Variants in PTPRK observed in about 807,000 individuals in gnomAD.
PTPRK encodes the protein receptor-type tyrosine-protein phosphatase kappa.
PTPRK carries 75 observed loss-of-function variants against 178.0 expected under a neutral mutation model. The observed-to-expected ratio is 0.42, with a 90% confidence interval of 0.35 to 0.51. The LOEUF is 0.51. PTPRK is among the 20% of genes least tolerant of loss of function. PTPRK has a pLI of 0.02. For missense variants in PTPRK, 1,441 were observed against 1,797.8 expected (o/e 0.80, Z 3.59); for synonymous variants, 637 against 620.6 (o/e 1.03, Z -0.39).
chr6:127,998,844 C>T lies in PTPRK; in HGVS notation c.2555G>A (p.Cys852Tyr). ...CTGGTAAGGGGATTCCGTCCCCTCA[C>T]AGAGGTAGCGAGGTACGTCTAGAAG... Reference protein sequence around the residue: ...SRLLDVPRYLCEGTESPYQTG... With the variant: ...SRLLDVPRYLYEGTESPYQTG... Residue 852 changes from cysteine to tyrosine, a missense_variant, in exon 16 of 30, where the codon TGT (cysteine) becomes TAT (tyrosine). Physicochemically the swap from Cys to Tyr is radical, Grantham distance 194. Around this residue, in one of 4 missense-constraint regions of PTPRK, gnomAD observed 945 missense variants for 1,080.6 expected, o/e 0.87. Transcript: ENST00000368226. 6.2e-7 allele frequency: 1 copy of T among 1,607,418 alleles called. No individual in the cohort carries two copies. Among genetic ancestry groups the T allele is most frequent in the Non-Finnish European group, 8.5e-7 (1 of 1,175,862 alleles).
intron 1 of PTPRK, among the ~76,000 whole-genome samples, chr6:128,421,022 T>C (rs1843415047): frequency 6.6e-6 from 1 of 152,232 alleles, no homozygotes; most frequent in Non-Finnish European, 1.5e-5. Flanking sequence ...ATCAATATCA[T>C]CTTTCCTACA....
At chr6:128,388,890 T>C (rs1261792222) in intron 2 of PTPRK, among the ~76,000 whole-genome samples, 1 of 152,170 alleles carries the variant, frequency 6.6e-6, no homozygotes, top group African/African-American at 2.4e-5. Context: ...AACATAACTT[T>C]TGAATAGTCA....
intron 1 of PTPRK, among the ~76,000 whole-genome samples, chr6:128,439,458 C>T (rs928307687): frequency 6.6e-6 from 1 of 152,102 alleles, no homozygotes; most frequent in Non-Finnish European, 1.5e-5. Flanking sequence ...GTACATAGAA[C>T]TAATTCAAGC....
intron 11 of PTPRK, among the ~76,000 whole-genome samples, chr6:128,074,449 C>T (rs1258760739): frequency 1.3e-5 from 2 of 151,714 alleles, no homozygotes; most frequent in East Asian, 1.9e-4. Context: ...TTATATTTTC[C>T]CAGGTTAGAG....
chr6:128,507,470 T>C (rs1032340568), intron 1 of PTPRK, among the ~76,000 whole-genome samples: 2 of 152,138 alleles, frequency 1.3e-5, no homozygotes, highest in Admixed American at 1.3e-4. Context: ...TGTTGTCCCC[T>C]TCATAATGAA....
chr6:127,987,603 T>A (rs112912956), intron 21 of PTPRK, among the ~76,000 whole-genome samples: 3,989 of 152,234 alleles, frequency 0.026, 198 homozygotes, highest in African/African-American at 0.091. Context: ...ATACATCCCA[T>A]TTAAAAATAT....
At chr6:128,242,439 T>C in intron 4 of PTPRK, 82 bp downstream of exon 4, 1 of 1,536,738 alleles carries the variant, frequency 6.5e-7, no homozygotes. Context: ...AAAAACCAAG[T>C]GATAAACAAT....
chr6:128,500,477 C>G (rs1213138099), intron 1 of PTPRK: 1 of 152,080 alleles, frequency 6.6e-6, no homozygotes, highest in Non-Finnish European at 1.5e-5. Context: ...GCTAATTCAG[C>G]CATCACTCTG....
At chr6:128,158,583 T>C (rs990975127) in intron 7 of PTPRK, among the ~76,000 whole-genome samples, 1 of 151,860 alleles carries the variant, frequency 6.6e-6, no homozygotes, top group African/African-American at 2.4e-5. Flanking sequence ...TCATCCACAA[T>C]ACACAGACAC....
chr6:128,166,903 C>T (rs1294355811), intron 7 of PTPRK, among the ~76,000 whole-genome samples: 1 of 151,654 alleles, frequency 6.6e-6, no homozygotes, highest in African/African-American at 2.4e-5. Flanking sequence ...AGTTGAATAA[C>T]ATTTTATATT....
intron 7 of PTPRK, among the ~76,000 whole-genome samples, chr6:128,109,863 A>G (rs1007438495): frequency 6.6e-6 from 1 of 152,162 alleles, no homozygotes; most frequent in African/African-American, 2.4e-5. Flanking sequence ...AGAGACTTCA[A>G]TTGATTCTCT....
intron 1 of PTPRK, among the ~76,000 whole-genome samples, chr6:128,398,953 A>T (rs968609056): frequency 3.9e-5 from 6 of 152,224 alleles, no homozygotes; most frequent in Admixed American, 1.3e-4. Context: ...ACGACTCAAC[A>T]TATTTAGTTT....
intron 2 of PTPRK, among the ~76,000 whole-genome samples, chr6:128,377,984 T>C (rs1837341659): frequency 1.3e-5 from 2 of 152,140 alleles, no homozygotes; most frequent in South Asian, 4.1e-4. Context: ...AACTCCAATA[T>C]AGTCAAGAAT....
chr6:127,982,184 C>A (rs1403235917), intron 24 of PTPRK, among the ~76,000 whole-genome samples: 2 of 152,108 alleles, frequency 1.3e-5, no homozygotes, highest in Non-Finnish European at 2.9e-5. Context: ...TTGTGAGTGA[C>A]CCAGGTCAAA....
At chr6:128,437,311 A>G (rs1845722522) in intron 1 of PTPRK, among the ~76,000 whole-genome samples, 1 of 152,252 alleles carries the variant, frequency 6.6e-6, no homozygotes, top group African/African-American at 2.4e-5. Context: ...ATCACAAACC[A>G]TCATAAAAGA....
intron 2 of PTPRK, among the ~76,000 whole-genome samples, chr6:128,381,552 G>A (rs1405217934): frequency 6.6e-6 from 1 of 151,888 alleles, no homozygotes; most frequent in Non-Finnish European, 1.5e-5. Context: ...ATTACTAACC[G>A]GCCGTGTCAC....
rs140731950 is a variant in PTPRK at position 128,214,713 on chromosome 6, T to C, written c.868+4209A>G. 3.5e-3 allele frequency among the ~76,000 whole-genome samples: 535 copies of C among 152,162 alleles called. 5 individuals carry two copies. The highest frequency in any genetic ancestry group is 0.012 in the African/African-American group (517 of 41,542). On this transcript the variant is annotated intron_variant, in intron 6 of 29. Coordinates refer to ENST00000368226, the MANE Select transcript of PTPRK (RefSeq NM_002844.4). ...AAATCATAGACTACAAAGTGAAGAA[T>C]TGGAAAGAACGTGGATCTTTAATGA... is the stretch of plus-strand genomic sequence containing the variant.
chr6:128,341,245 T>C (rs193001653), intron 2 of PTPRK, among the ~76,000 whole-genome samples: 1 of 151,860 alleles, frequency 6.6e-6, no homozygotes. Flanking sequence ...TTCTCAATGA[T>C]TAATAAATAA....
At chr6:128,040,307 A>T (rs1776957931) in intron 13 of PTPRK, among the ~76,000 whole-genome samples, 1 of 152,088 alleles carries the variant, frequency 6.6e-6, no homozygotes. Flanking sequence ...TATTTTTTTT[A>T]AATAAGAGTC....
Sources: allele counts gnomAD v4.1 joint callset (sites outside exome capture counted in the v4.1 genomes callset), GRCh38; gene constraint gnomAD v4.1.1; regional missense constraint gnomAD v4.1.1; transcripts MANE v1.5; gene names NCBI Gene and HGNC (gene_info 2026-07-23, HGNC 2026-07-21).